The following ADAMTS6 variants were observed in gnomAD, a reference collection of about 807,000 sequenced individuals.
ADAMTS6 encodes ADAM metallopeptidase with thrombospondin type 1 motif 6, also known as A disintegrin and metalloproteinase with thrombospondin motifs 6.
Under a neutral mutation model 144.3 loss-of-function variants are expected in ADAMTS6, and 23 were observed. The observed-to-expected ratio is 0.16, with a 90% confidence interval of 0.11 to 0.23. The LOEUF (loss-of-function observed/expected upper bound fraction) is 0.23, where lower values mean the gene tolerates loss of function less well. Among genes scored for constraint, ADAMTS6 ranks in the 10% least tolerant of loss-of-function variants. ADAMTS6 has a pLI of 1.00. For missense variants in ADAMTS6, 999 were observed against 1,379.6 expected (o/e 0.72, Z 4.37); for synonymous variants, 444 against 457.5 (o/e 0.97, Z 0.38).
intron 10 of ADAMTS6, among the ~76,000 whole-genome samples, chr5:65,292,799 C>G (rs1742449074): frequency 6.6e-6 from 1 of 151,890 alleles, no homozygotes; most frequent in African/African-American, 2.4e-5. Flanking sequence ...TGGATTTTAC[C>G]ACTGGCTACT....
At chr5:65,180,024 A>C (rs1754245506) in intron 22 of ADAMTS6, among the ~76,000 whole-genome samples, 2 of 152,096 alleles carry the variant, frequency 1.3e-5, no homozygotes, top group African/African-American at 4.8e-5. Flanking sequence ...AACACTTGAT[A>C]AATATATGCT....
At chr5:65,285,563 CA>C (rs1164290942) in intron 11 of ADAMTS6, among the ~76,000 whole-genome samples, 1 of 152,120 alleles carries the variant, frequency 6.6e-6, no homozygotes, top group African/African-American at 2.4e-5. Context: ...TACCATGAGC[CA>C]GGCACTGTTC....
intron 24 of ADAMTS6, among the ~76,000 whole-genome samples, chr5:65,169,828 T>C (rs533058630): frequency 1.9e-4 from 27 of 144,304 alleles, no homozygotes; most frequent in African/African-American, 6.2e-4. Flanking sequence ...TAGGTGGGAA[T>C]TGAACAATGA....
At chr5:65,372,075 G>C (rs1303712568) in intron 7 of ADAMTS6, among the ~76,000 whole-genome samples, 2 of 151,636 alleles carry the variant, frequency 1.3e-5, no homozygotes, top group Non-Finnish European at 2.9e-5. Flanking sequence ...CAAATGCTGA[G>C]AGATTTTGTC....
chr5:65,183,063 T>A (rs1015070986), intron 22 of ADAMTS6, among the ~76,000 whole-genome samples: 1 of 152,220 alleles, frequency 6.6e-6, no homozygotes, highest in African/African-American at 2.4e-5. Flanking sequence ...GTTTAAAAAT[T>A]GCTTGTAAAA....
intron 22 of ADAMTS6, among the ~76,000 whole-genome samples, chr5:65,185,325 G>C (rs1025217381): frequency 3.3e-5 from 5 of 152,138 alleles, no homozygotes; most frequent in African/African-American, 1.2e-4. Context: ...ACCCCCTTGG[G>C]GAAATAAACA....
chr5:65,273,045 C>A (rs78739290), intron 12 of ADAMTS6, among the ~76,000 whole-genome samples: 2,830 of 151,808 alleles, frequency 0.019, 94 homozygotes, highest in African/African-American at 0.064. Context: ...TATGAGTAAA[C>A]AGACTACATT....
At chr5:65,261,952 A>G (rs1030511109) in intron 13 of ADAMTS6, among the ~76,000 whole-genome samples, 2 of 151,976 alleles carry the variant, frequency 1.3e-5, no homozygotes, top group Non-Finnish European at 2.9e-5. Context: ...AATGAGAAAA[A>G]AAAAAGGAAA....
chr5:65,160,668 T>TTTC (rs1392698050), intron 24 of ADAMTS6, among the ~76,000 whole-genome samples: 6 of 150,794 alleles, frequency 4.0e-5, no homozygotes, highest in East Asian at 2.0e-4. Context: ...TTTTTTTTTT[T>TTTC]TGAGACAGAG....
At chr5:65,275,611 A>G (rs1180631209) in intron 11 of ADAMTS6, among the ~76,000 whole-genome samples, 3 of 152,010 alleles carry the variant, frequency 2.0e-5, no homozygotes, top group Non-Finnish European at 2.9e-5. Context: ...CTCTTTTTCT[A>G]TAGAAGAAGG....
At chr5:65,480,960 A>G (rs72762404) in intron 1 of ADAMTS6, among the ~76,000 whole-genome samples, 7,515 of 152,288 alleles carry the variant, frequency 0.049, 195 homozygotes, top group Non-Finnish European at 0.067. Context: ...CTTTTCTGTA[A>G]GAAAACTGGA....
chr5:65,451,930 T>A (rs1758772883), intron 6 of ADAMTS6, among the ~76,000 whole-genome samples: 1 of 152,208 alleles, frequency 6.6e-6, no homozygotes, highest in East Asian at 1.9e-4. Flanking sequence ...ATAGCTAATC[T>A]ATATAGCTTT....
chr5:65,260,708 C>T, intron 13 of ADAMTS6, 45 bp from the exon 14 acceptor site: 1 of 1,450,056 alleles, frequency 6.9e-7, no homozygotes, highest in Non-Finnish European at 9.7e-7. Context: ...ATACATCTGT[C>T]CATACAAAGA....
At chr5:65,458,963 AT>A (rs1194627121) in intron 4 of ADAMTS6, among the ~76,000 whole-genome samples, 1 of 152,116 alleles carries the variant, frequency 6.6e-6, no homozygotes, top group Non-Finnish European at 1.5e-5. Context: ...GTCCTATGCT[AT>A]ATCAAAGCGC....
intron 7 of ADAMTS6, among the ~76,000 whole-genome samples, chr5:65,421,500 T>G (rs1330494191): frequency 6.6e-6 from 1 of 152,206 alleles, no homozygotes; most frequent in Non-Finnish European, 1.5e-5. Context: ...GCTCTTAGAA[T>G]TTTTTCCTTC....
rs11464016 is a variant in ADAMTS6, at chr5:65,439,140, A to ATT, written c.1073+12333_1073+12334dup. 1.6e-3 allele frequency among the ~76,000 whole-genome samples: 245 copies of ATT among 151,752 alleles called. 2 individuals carry two copies. The highest frequency in any genetic ancestry group is 0.014 in the Middle Eastern group (4 of 294). On this transcript the variant is annotated intron_variant, in intron 7 of 24. Coordinates refer to ENST00000381055, the MANE Select transcript of ADAMTS6 (RefSeq NM_197941.4). The stretch of plus-strand genomic sequence containing the variant: ...CTAGAAAGGAAACCTCCAAATCTGT[A>ATT]TTTTTTTAGAAGTGTGAGTCCATAT...
rs1168462797 is a variant in ADAMTS6 at position 65,225,017 on chromosome 5, C to A, written c.2098G>T (p.Asp700Tyr). The A allele has an allele frequency of 2.5e-6, 4 of 1,614,036 alleles. No homozygotes were observed. Among genetic ancestry groups the A allele is most frequent in the South Asian group, 2.2e-5 (2 of 91,064 alleles). The change falls in exon 17 of 25, where the codon GAT (aspartate) becomes TAT (tyrosine). Residue 700 changes from aspartate (D) to tyrosine (Y), a missense_variant. Asp to Tyr is a radical substitution (Grantham distance 160, BLOSUM62 -3). Around this residue, in one of 3 missense-constraint regions of ADAMTS6, gnomAD observed 619 missense variants for 837.0 expected, o/e 0.74. Transcript: ENST00000381055. ...ACTCGACATCTATCTTCCCTAGCAT[C>A]AGATCCCAAAATATTATCACAGCCT... is the stretch of plus-strand genomic sequence containing the variant. ...HVGCDNILGSDAREDRCRVCG... is the reference protein window; with the variant it reads ...HVGCDNILGSYAREDRCRVCG...
intron 22 of ADAMTS6, among the ~76,000 whole-genome samples, chr5:65,175,174 C>G (rs1367156960): frequency 6.6e-6 from 1 of 150,700 alleles, no homozygotes; most frequent in Non-Finnish European, 1.5e-5. Flanking sequence ...CAAGGAAAGA[C>G]CAGCAGAGAG....
intron 14 of ADAMTS6, among the ~76,000 whole-genome samples, chr5:65,255,687 A>C (rs750713790): frequency 4.6e-5 from 7 of 151,906 alleles, no homozygotes; most frequent in Non-Finnish European, 7.4e-5. Flanking sequence ...TCTCTCATAG[A>C]ATTTGACCTC....
Sources: allele counts gnomAD v4.1 joint callset (sites outside exome capture counted in the v4.1 genomes callset), GRCh38; gene constraint gnomAD v4.1.1; regional missense constraint gnomAD v4.1.1; transcripts MANE v1.5; gene names NCBI Gene and HGNC (gene_info 2026-07-23, HGNC 2026-07-21).